Variants in RAPGEF2 observed in about 807,000 individuals in gnomAD.
RAPGEF2 encodes Rap guanine nucleotide exchange factor 2.
RAPGEF2 carries 54 observed loss-of-function variants against 186.7 expected under a neutral mutation model. The observed-to-expected ratio is 0.29, with a 90% confidence interval of 0.23 to 0.36. The LOEUF is 0.36. Among genes scored for constraint, RAPGEF2 ranks in the 10% least tolerant of loss-of-function variants. The pLI, the probability that RAPGEF2 is intolerant of heterozygous loss-of-function variation, is 1.00. For missense variants in RAPGEF2, 1,532 were observed against 2,045.0 expected, an observed-to-expected ratio of 0.75 and a Z score of 4.84; for synonymous variants, 712 against 705.9, an observed-to-expected ratio of 1.01 and a Z score of -0.14.
Position 159,358,863 on chromosome 4 carries a change from T to C in RAPGEF2, c.*724T>C, listed in dbSNP as rs1215597661. 6.6e-6 allele frequency: 1 copy of C among 152,190 alleles called. No individual in the cohort carries two copies. The highest frequency in any genetic ancestry group is 2.4e-5 in the African/African-American group (1 of 41,436). The allele number at this position is 152,190 out of a possible 1,614,324, so 9.4% of individuals were successfully genotyped here. ...TTGTGACCCTGGCTTCCCATGTCCT[T>C]CTGGTCTCACCCGCGAAGTGCCCTA... On this transcript the variant is annotated 3_prime_UTR_variant, in exon 30 of 30. Coordinates refer to ENST00000691494, the MANE Select transcript of RAPGEF2 (RefSeq NM_001394067.2).
intron 3 of RAPGEF2, among the ~76,000 whole-genome samples, chr4:159,209,865 A>G (rs1291440342): frequency 1.3e-5 from 2 of 152,232 alleles, no homozygotes; most frequent in Non-Finnish European, 2.9e-5. Flanking sequence ...GGAAATGACT[A>G]TCAGTAGGGG....
At chr4:159,266,663 T>A (rs1164547182) in intron 7 of RAPGEF2, among the ~76,000 whole-genome samples, 1 of 152,126 alleles carries the variant, frequency 6.6e-6, no homozygotes, top group Admixed American at 6.5e-5. Context: ...TGTGTATGGG[T>A]GTTTGTGAAA....
At chr4:159,124,885 T>A (rs1051954920) in intron 1 of RAPGEF2, among the ~76,000 whole-genome samples, 2 of 152,244 alleles carry the variant, frequency 1.3e-5, no homozygotes, top group African/African-American at 4.8e-5. Context: ...AGATACTATT[T>A]ATTATTGTTC....
At chr4:159,252,635 C>T (rs1430606530) in intron 7 of RAPGEF2, among the ~76,000 whole-genome samples, 1 of 152,120 alleles carries the variant, frequency 6.6e-6, no homozygotes, top group East Asian at 1.9e-4. Context: ...ACTGAAAGAG[C>T]AGCCAGCTAT....
intron 3 of RAPGEF2, among the ~76,000 whole-genome samples, chr4:159,207,311 T>G (rs1210891008): frequency 6.6e-6 from 1 of 152,254 alleles, no homozygotes; most frequent in Admixed American, 6.5e-5. Context: ...TGCTAGAGCA[T>G]TCACTGCCAC....
intron 28 of RAPGEF2, among the ~76,000 whole-genome samples, 153 bp from the exon 29 acceptor site, chr4:159,355,700 T>C (rs1036293610): frequency 1.3e-5 from 2 of 152,198 alleles, no homozygotes; most frequent in Non-Finnish European, 2.9e-5. Flanking sequence ...ATGCATTCCC[T>C]GGCCTGCCTC....
At position 159,339,095 on chromosome 4, in the gene RAPGEF2, T is replaced by C; in HGVS notation, c.2294-19T>C. Reference sequence around the variant, plus strand: ...TTAAAATTCTTTCTACTTATGTGTGTGATTTTTCTTTCCCCCAGACTTGCC... The same window carrying C: ...TTAAAATTCTTTCTACTTATGTGTGCGATTTTTCTTTCCCCCAGACTTGCC... On this transcript the variant is annotated intron_variant, in intron 18 of 29. Transcript: ENST00000691494. The C allele has an allele frequency of 6.2e-7, 1 of 1,607,970 alleles. No individual in the cohort carries two copies.
chr4:159,156,127 G>A (rs1360512769), intron 1 of RAPGEF2, among the ~76,000 whole-genome samples: 1 of 152,156 alleles, frequency 6.6e-6, no homozygotes, highest in Non-Finnish European at 1.5e-5. Context: ...TTACAAATCT[G>A]TAATCATCCT....
chr4:159,340,782 CA>C (rs1729357912), intron 19 of RAPGEF2, among the ~76,000 whole-genome samples: 1 of 9,612 alleles, frequency 1.0e-4, no homozygotes, highest in East Asian at 0.011. Context: ...ACCATCACCA[CA>C]CACACACACA....
intron 1 of RAPGEF2, among the ~76,000 whole-genome samples, chr4:159,105,448 C>T (rs1006977166): frequency 1.3e-5 from 2 of 152,172 alleles, no homozygotes; most frequent in Admixed American, 6.5e-5. Flanking sequence ...AAGAGTGGCA[C>T]CTGGTACCGT....
chr4:159,345,438 GC>G, intron 24 of RAPGEF2, 109 bp downstream of exon 24: 1 of 922,374 alleles, frequency 1.1e-6, no homozygotes, highest in Non-Finnish European at 1.7e-6. Flanking sequence ...GGGGGAGCTA[GC>G]AATCCTGAGA....
chr4:159,287,352 A>C (rs1034340500), intron 7 of RAPGEF2, among the ~76,000 whole-genome samples: 2 of 152,164 alleles, frequency 1.3e-5, no homozygotes, highest in Non-Finnish European at 2.9e-5. Context: ...AGCAGCAAAA[A>C]AATTTTGATA....
chr4:159,150,204 CACCA>C (rs1743390390), intron 1 of RAPGEF2, among the ~76,000 whole-genome samples: 1 of 151,548 alleles, frequency 6.6e-6, no homozygotes, highest in African/African-American at 2.4e-5. Context: ...ACTATAAAGT[CACCA>C]TGACCACTGA....
chr4:159,251,316 A>G (rs1031635771), intron 7 of RAPGEF2, among the ~76,000 whole-genome samples: 3 of 152,234 alleles, frequency 2.0e-5, no homozygotes, highest in African/African-American at 7.2e-5. Context: ...TGAGGAGTGC[A>G]GTGTGGGACT....
In RAPGEF2 at chr4:159,272,585, A is replaced by G. The variant is rs115459060; in HGVS notation, c.543+28794A>G. 2.6e-3 allele frequency among the ~76,000 whole-genome samples: 394 copies of G among 152,340 alleles called. 1 individual carries two copies. The highest frequency in any genetic ancestry group is 8.7e-3 in the African/African-American group (361 of 41,578). ...TTTGGTCTTTGCAGTTAGATGACAG[A>G]TTACATCTGGAATGAATTCCATGTG... On this transcript the variant is annotated intron_variant, in intron 7 of 29. Coordinates refer to ENST00000691494, the MANE Select transcript of RAPGEF2 (RefSeq NM_001394067.2).
chr4:159,135,244 C>T (rs1311856375), intron 1 of RAPGEF2, among the ~76,000 whole-genome samples: 1 of 152,082 alleles, frequency 6.6e-6, no homozygotes, highest in Non-Finnish European at 1.5e-5. Flanking sequence ...TGGTGTTTCA[C>T]CATGTTGCCC....
intron 22 of RAPGEF2, among the ~76,000 whole-genome samples, 190 bp downstream of exon 22, chr4:159,343,594 T>C (rs937391693): frequency 1.3e-5 from 2 of 152,238 alleles, no homozygotes; most frequent in Non-Finnish European, 2.9e-5. Context: ...AAGTGTTCTT[T>C]CGGCTGTCAG....
chr4:159,213,415 A>G (rs1402651451), intron 4 of RAPGEF2, among the ~76,000 whole-genome samples: 1 of 152,244 alleles, frequency 6.6e-6, no homozygotes, highest in African/African-American at 2.4e-5. Context: ...ATCAGTATAT[A>G]ATAAGTCAAC....
At position 159,350,206 on chromosome 4, in the gene RAPGEF2, A is replaced by G. The variant is rs1730976774; in HGVS notation, c.3782A>G (p.Lys1261Arg). ...LSEEGSLERH[K>R]KQAEDTISNA... ...GAAGAAGGAAGTTTGGAACGTCACAAGAAACAGGCTGAAGATACAATATCA... is the reference window on the plus strand; with the variant it reads ...GAAGAAGGAAGTTTGGAACGTCACAGGAAACAGGCTGAAGATACAATATCA... Residue 1261 changes from lysine to arginine, a missense_variant, in exon 26 of 30, where the codon AAG becomes AGG. Transcript: ENST00000691494. 6 of 1,595,970 alleles carry G rather than the reference A, an allele frequency of 3.8e-6. No individual in the cohort carries two copies. Among genetic ancestry groups the G allele is most frequent in the Non-Finnish European group, 5.1e-6 (6 of 1,170,846 alleles).
Sources: gnomAD v4.1 joint callset for allele counts (sites outside exome capture counted in the v4.1 genomes callset) on GRCh38, gnomAD v4.1.1 for gene constraint, MANE v1.5 for transcripts, NCBI Gene and HGNC (gene_info 2026-07-23, HGNC 2026-07-21) for gene names.